Variants in CSTA observed in about 807,000 individuals in gnomAD.
CSTA encodes cystatin-A.
Under a neutral mutation model 9.2 loss-of-function variants are expected in CSTA, and 9 were observed. The observed-to-expected ratio is 0.97, with a 90% CI of 0.59 to 1.70. The LOEUF is 1.70. Ranked by LOEUF, CSTA falls within the 40% of genes most tolerant of loss-of-function variation. The pLI, the probability that CSTA is intolerant of heterozygous loss-of-function variation, is 0.00. For missense variants in CSTA, 118 were observed against 113.1 expected (o/e 1.04, Z -0.20); for synonymous variants, 36 against 40.6 (o/e 0.89, Z 0.43).
intron 1 of CSTA, among the ~76,000 whole-genome samples, chr3:122,335,333 G>A (rs1421601179): frequency 6.6e-6 from 1 of 152,170 alleles, no homozygotes; most frequent in Admixed American, 6.5e-5. Flanking sequence ...TTAAGGCTCT[G>A]GAGATGGAGA....
At position 122,341,508 on chromosome 3, in the gene CSTA, T is replaced by A. The variant is rs1192200116; in HGVS notation, c.238T>A (p.Leu80Met). 1 of 1,614,090 alleles carries A rather than the reference T, an allele frequency of 6.2e-7. No individual in the cohort carries two copies. Among genetic ancestry groups the A allele is most frequent in the Admixed American group, 1.7e-5 (1 of 60,028 alleles). ...FKSLPGQNED[L>M]VLTGYQVDKN... ...AAGTCTTCCCGGACAAAATGAGGAC[T>A]TGGTACTTACTGGATACCAGGTTGA... The change falls in exon 3 of 3, where the codon TTG (leucine) becomes ATG (methionine). Residue 80 changes from leucine (L) to methionine (M), a missense_variant. Leu to Met is a conservative substitution (Grantham distance 15). Coordinates refer to ENST00000264474, the MANE Select transcript of CSTA (RefSeq NM_005213.4).
chr3:122,339,483 G>T (rs1391199228), intron 2 of CSTA, among the ~76,000 whole-genome samples: 7 of 152,294 alleles, frequency 4.6e-5, no homozygotes, highest in Admixed American at 4.6e-4. Context: ...GCAGAGTCAG[G>T]ATTTGAACCC....
At chr3:122,333,540 G>GAAGAAAGA (rs71136564) in intron 1 of CSTA, among the ~76,000 whole-genome samples, 4,892 of 112,058 alleles carry the variant, frequency 0.044, 177 homozygotes, top group East Asian at 0.077. Context: ...AGAAAAGAAA[G>GAAGAAAGA]AAGAAAGAAA....
intron 1 of CSTA, among the ~76,000 whole-genome samples, chr3:122,332,791 A>G (rs1181824356): frequency 4.6e-5 from 7 of 152,190 alleles, no homozygotes; most frequent in Non-Finnish European, 1.0e-4. Context: ...GGCCAACTGC[A>G]TTCAGCAGGA....
chr3:122,340,039 G>A (rs1015408925), intron 2 of CSTA, among the ~76,000 whole-genome samples: 3 of 152,054 alleles, frequency 2.0e-5, no homozygotes, highest in Admixed American at 1.3e-4. Flanking sequence ...CTATAATATA[G>A]GTTAATATAA....
At chr3:122,326,869 C>T (rs1385877017) in intron 1 of CSTA, among the ~76,000 whole-genome samples, 1 of 152,186 alleles carries the variant, frequency 6.6e-6, no homozygotes, top group Admixed American at 6.5e-5. Context: ...GCTGCTGCTG[C>T]CACCCATGGC....
intron 1 of CSTA, among the ~76,000 whole-genome samples, chr3:122,331,858 TG>T (rs1296008147): frequency 2.6e-5 from 4 of 152,284 alleles, no homozygotes; most frequent in Middle Eastern, 3.4e-3. Flanking sequence ...CCAACCTTTT[TG>T]GTACCTTTGT....
intron 2 of CSTA, among the ~76,000 whole-genome samples, chr3:122,340,944 AT>A (rs11338611): frequency 0.77 from 113,472 of 147,410 alleles, 43,766 homozygotes; most frequent in East Asian, 0.95. Flanking sequence ...TTAGTCTACA[AT>A]TTTTTTTTTT....
chr3:122,329,085 C>G (rs1307130110), intron 1 of CSTA, among the ~76,000 whole-genome samples: 1 of 151,518 alleles, frequency 6.6e-6, no homozygotes, highest in East Asian at 2.0e-4. Flanking sequence ...CCTGCCTCAG[C>G]CCCCCGAGTA....
chr3:122,340,689 A>G (rs767413070), intron 2 of CSTA, among the ~76,000 whole-genome samples: 1 of 152,196 alleles, frequency 6.6e-6, no homozygotes, highest in African/African-American at 2.4e-5. Context: ...AGGTTCTGAT[A>G]TAGGTATGGG....
intron 1 of CSTA, among the ~76,000 whole-genome samples, chr3:122,334,182 A>T (rs1444302620): frequency 6.6e-6 from 1 of 152,058 alleles, no homozygotes; most frequent in Non-Finnish European, 1.5e-5. Flanking sequence ...CCACTTTGAA[A>T]TTTCATTTCC....
chr3:122,325,775 T>C (rs1009778407), intron 1 of CSTA, among the ~76,000 whole-genome samples: 8 of 152,266 alleles, frequency 5.3e-5, no homozygotes, highest in African/African-American at 1.9e-4. Flanking sequence ...CAGGGAAAAT[T>C]TTTTTAAATA....
intron 1 of CSTA, among the ~76,000 whole-genome samples, chr3:122,328,844 G>C (rs1024109963): frequency 6.6e-6 from 1 of 151,914 alleles, no homozygotes; most frequent in Non-Finnish European, 1.5e-5. Context: ...AGGAGGCTGA[G>C]GCAGGAGAAT....
intron 1 of CSTA, among the ~76,000 whole-genome samples, chr3:122,332,464 G>A (rs2075210252): frequency 1.3e-5 from 2 of 152,014 alleles, no homozygotes. Context: ...CATCCACTTT[G>A]CCATCAATAT....
Position 122,333,559 on chromosome 3 carries a change from GA to G in CSTA, c.67-3985del, listed in dbSNP as rs760778561. ...AAGAAAGAAGAAAGAAAGAAAGAAA[GA>G]AAGAAAGAAAGAAAGAAAGAAAGAA... On this transcript the variant is annotated intron_variant, in intron 1 of 2. Coordinates refer to ENST00000264474, the MANE Select transcript of CSTA (RefSeq NM_005213.4). Among the ~76,000 whole-genome samples the G allele has an allele frequency of 2.5e-4, 30 of 119,180 alleles. 1 individual carries two copies. The highest frequency in any genetic ancestry group is 1.3e-3 in the East Asian group (6 of 4,564). 78.2% of individuals were successfully genotyped at this position (119,180 alleles called of 152,430 possible). A position where few individuals can be genotyped will look rare whatever the true frequency, so the allele number is the denominator to read the frequency against.
intron 2 of CSTA, among the ~76,000 whole-genome samples, chr3:122,339,380 A>G (rs140350012): frequency 1.3e-5 from 2 of 152,358 alleles, no homozygotes; most frequent in African/African-American, 4.8e-5. Context: ...CAACAAATCT[A>G]TGAGATAAGT....
intron 1 of CSTA, among the ~76,000 whole-genome samples, chr3:122,333,105 A>G (rs2075213393): frequency 6.6e-6 from 1 of 152,212 alleles, no homozygotes; most frequent in Non-Finnish European, 1.5e-5. Flanking sequence ...ACACTTCAAG[A>G]AACAAACCAG....
intron 1 of CSTA, among the ~76,000 whole-genome samples, chr3:122,325,622 T>A (rs1237215850): frequency 2.6e-5 from 4 of 152,220 alleles, no homozygotes; most frequent in African/African-American, 9.7e-5. Flanking sequence ...TATTGTATCT[T>A]CTCTAAAGCT....
intron 1 of CSTA, among the ~76,000 whole-genome samples, chr3:122,327,193 G>A (rs1190994597): frequency 4.6e-5 from 7 of 151,056 alleles, no homozygotes; most frequent in African/African-American, 7.3e-5. Context: ...AGCCAAGATA[G>A]TGCCTGCACC....
Sources: allele counts gnomAD v4.1 joint callset (sites outside exome capture counted in the v4.1 genomes callset), GRCh38; gene constraint gnomAD v4.1.1; transcripts MANE v1.5; gene names NCBI Gene and HGNC (gene_info 2026-07-23, HGNC 2026-07-21).